Variants in PDIA6 observed in about 807,000 individuals in gnomAD.
PDIA6 encodes the protein protein disulfide-isomerase A6.
A neutral mutation model predicts 58.4 loss-of-function variants in PDIA6; 29 were observed. The observed-to-expected ratio is 0.50, with a 90% CI of 0.37 to 0.68. PDIA6 has a LOEUF of 0.68. Ranked by LOEUF, PDIA6 falls within the 30% of genes least tolerant of loss-of-function variation. The pLI is 0.00. For synonymous variants in PDIA6, 192 were observed against 202.6 expected (o/e 0.95, Z 0.44); for missense variants, 480 against 551.0 (o/e 0.87, Z 1.29).
exon 1 of PDIA6, chr2:10,832,260 TG>T: frequency 4.4e-6 from 1 of 229,162 alleles, no homozygotes; most frequent in Non-Finnish European, 7.2e-6. Context: ...ACAGCAGAAC[TG>T]GCCAGATCCC....
intron 1 of PDIA6, among the ~76,000 whole-genome samples, chr2:10,828,912 T>C (rs1667630886): frequency 6.6e-6 from 1 of 152,164 alleles, no homozygotes. Context: ...CCTTGCCTGC[T>C]AGGGTGCCCG....
At chr2:10,829,073 C>G (rs538302605) in intron 1 of PDIA6, among the ~76,000 whole-genome samples, 2 of 152,332 alleles carry the variant, frequency 1.3e-5, no homozygotes, top group Non-Finnish European at 2.9e-5. Flanking sequence ...CTGGCTTCAA[C>G]AGGTCTTCGT....
chr2:10,818,338 A>ATT (rs142810233), intron 2 of PDIA6, among the ~76,000 whole-genome samples: 39 of 147,180 alleles, frequency 2.6e-4, no homozygotes, highest in African/African-American at 6.5e-4. Flanking sequence ...TAATTTCTGT[A>ATT]TTTTTTTTTT....
At chr2:10,786,193 G>T (rs570217102) in intron 11 of PDIA6, among the ~76,000 whole-genome samples, 9 of 152,228 alleles carry the variant, frequency 5.9e-5, no homozygotes, top group East Asian at 1.9e-4. Flanking sequence ...CGTGGTGGCA[G>T]GCGCCTGTAA....
chr2:10,791,146 TTTTC>T (rs905862207), intron 6 of PDIA6, among the ~76,000 whole-genome samples: 2 of 110,086 alleles, frequency 1.8e-5, no homozygotes, highest in Non-Finnish European at 4.5e-5. Context: ...CTTTCTTTTC[TTTTC>T]TTTTTTTTTT....
intron 2 of PDIA6, chr2:10,819,154 C>G (rs1667309981): frequency 6.4e-6 from 4 of 624,756 alleles, no homozygotes; most frequent in Non-Finnish European, 1.1e-5. Flanking sequence ...CACATTCCAT[C>G]ATATGACTAG....
chr2:10,818,695 T>G (rs1667294092), intron 2 of PDIA6, among the ~76,000 whole-genome samples: 1 of 150,742 alleles, frequency 6.6e-6, no homozygotes, highest in African/African-American at 2.4e-5. Context: ...TAATTTTGTA[T>G]TTTTTTTAGT....
chr2:10,790,159 AAT>A (rs1005988634), intron 7 of PDIA6, among the ~76,000 whole-genome samples: 8 of 151,976 alleles, frequency 5.3e-5, no homozygotes, highest in African/African-American at 1.9e-4. Flanking sequence ...TTGTATTTTT[AAT>A]AGAGACGGGG....
intron 11 of PDIA6, among the ~76,000 whole-genome samples, chr2:10,787,074 T>A (rs1207493822): frequency 6.6e-6 from 1 of 151,994 alleles, no homozygotes; most frequent in Non-Finnish European, 1.5e-5. Context: ...TTTCTCCTCA[T>A]CCCGCAAGCA....
intron 1 of PDIA6, chr2:10,810,341 A>G: frequency 6.6e-7 from 1 of 1,522,994 alleles, no homozygotes; most frequent in Non-Finnish European, 8.8e-7. Flanking sequence ...CTGTGGCAGA[A>G]TTAGGTACTT....
In PDIA6 at chr2:10,797,683, A is replaced by G. The variant is rs1666328212; in HGVS notation, c.219+17T>C. On this transcript the variant is annotated intron_variant, in intron 3 of 12. Coordinates refer to ENST00000272227, the MANE Select transcript of PDIA6 (RefSeq NM_005742.4). ...AAAAAAAGTTTTGTAAGCCTTTTGC[A>G]TTCCTAAGAAACTTACTTTTAATGC... The G allele has an allele frequency of 6.2e-7, 1 of 1,604,286 alleles. No individual in the cohort carries two copies. Among genetic ancestry groups the G allele is most frequent in the Non-Finnish European group, 8.5e-7 (1 of 1,173,624 alleles).
intron 11 of PDIA6, among the ~76,000 whole-genome samples, chr2:10,786,284 G>A (rs926341589): frequency 2.0e-5 from 3 of 151,696 alleles, no homozygotes; most frequent in South Asian, 2.1e-4. Flanking sequence ...GATCGTGCCA[G>A]CCCGGACGAC....
In PDIA6 at chr2:10,824,463, G is replaced by A. The variant is rs564749636; in HGVS notation, c.-47-5109C>T. Among the ~76,000 whole-genome samples the A allele has an allele frequency of 6.6e-5, 10 of 152,342 alleles. No homozygotes were observed. In the South Asian group the frequency reaches 1.2e-3, roughly 19 times the overall value. On this transcript the variant is annotated intron_variant, in intron 1 of 13. Transcript: ENST00000381611. ...TGCCACAGTTATTGGCTCAGGAAGG[G>A]GTTTGTCACCACAATAGCCACTAAG...
At chr2:10,787,136 T>C (rs1665804504) in intron 11 of PDIA6, 145 bp downstream of exon 11, 1 of 712,392 alleles carries the variant, frequency 1.4e-6, no homozygotes, top group East Asian at 2.7e-5. Flanking sequence ...AAAACTCTAA[T>C]GTATAAACAT....
At chr2:10,799,857 G>A (rs958401777) in intron 2 of PDIA6, among the ~76,000 whole-genome samples, 1 of 148,756 alleles carries the variant, frequency 6.7e-6, no homozygotes, top group Non-Finnish European at 1.5e-5. Context: ...CTGGGGTCCA[G>A]ACTCCCAAAG....
Position 10,788,786 on chromosome 2 carries a change from A to G in PDIA6, c.926-17T>C. ...CTGCAGCTCCTGATTTAAATAGACA[A>G]AGTTTTTTAAAGGTAAAGATAAAGG... On this transcript the variant is annotated splice_polypyrimidine_tract_variant and intron_variant, in intron 9 of 12. Transcript: ENST00000272227. The G allele has an allele frequency of 6.3e-7, 1 of 1,596,936 alleles. No individual in the cohort carries two copies. The highest frequency in any genetic ancestry group is 1.3e-5 in the African/African-American group (1 of 74,694).
intron 1 of PDIA6, among the ~76,000 whole-genome samples, chr2:10,806,624 A>AAGACAGAAAGACAGACAGACAGACAGAC (rs1666764793): frequency 1.9e-4 from 27 of 139,764 alleles, no homozygotes; most frequent in African/African-American, 6.7e-4. Context: ...CTAAAAAATA[A>AAGACAGAAAGACAGACAGACAGACAGAC]AGACAGAAAG....
At chr2:10,818,936 T>G (rs1415141330) in intron 2 of PDIA6, among the ~76,000 whole-genome samples, 1 of 152,140 alleles carries the variant, frequency 6.6e-6, no homozygotes, top group Non-Finnish European at 1.5e-5. Flanking sequence ...CCCCATTAAA[T>G]GCCAAATCCT....
At chr2:10,817,136 C>T (rs1341105189), upstream of PDIA6, among the ~76,000 whole-genome samples, 1 of 152,202 alleles carries the variant, frequency 6.6e-6, no homozygotes, top group African/African-American at 2.4e-5. Flanking sequence ...TTTTATTCCA[C>T]TCAGGAAGCT....
Sources: allele counts gnomAD v4.1 joint callset (sites outside exome capture counted in the v4.1 genomes callset), GRCh38; gene constraint gnomAD v4.1.1; transcripts MANE v1.5; gene names NCBI Gene and HGNC (gene_info 2026-07-23, HGNC 2026-07-21).